The following GPC6 variants were observed in gnomAD, a reference collection of about 807,000 sequenced individuals.
GPC6 encodes glypican 6, also known as glypican-6.
Under a neutral mutation model 55.2 loss-of-function variants are expected in GPC6, and 14 were observed. That is an observed-to-expected ratio of 0.25 (90% confidence interval 0.17 to 0.40). The LOEUF (loss-of-function observed/expected upper bound fraction) is 0.40, where lower values mean the gene tolerates loss of function less well. GPC6 is among the 10% of genes least tolerant of loss of function. The pLI is 1.00. For synonymous variants in GPC6, 278 were observed against 259.6 expected, an observed-to-expected ratio of 1.07 and a Z score of -0.68; for missense variants, 641 against 708.5, an observed-to-expected ratio of 0.90 and a Z score of 1.08.
At chr13:94,152,511 C>A (rs1238574507) in intron 4 of GPC6, among the ~76,000 whole-genome samples, 1 of 152,068 alleles carries the variant, frequency 6.6e-6, no homozygotes, top group Non-Finnish European at 1.5e-5. Context: ...TTAAAAACAT[C>A]ATTTACCCCA....
rs2138943952 is a variant in GPC6, at chr13:93,805,625, T to C, written c.320-24529T>C. ...TTATATGTATAACATAGTTCATACA[T>C]AGTTTTTAGCCACTGCTAATTCTAA... On this transcript the variant is annotated intron_variant, in intron 2 of 8. Transcript: ENST00000377047. 1.3e-5 allele frequency among the ~76,000 whole-genome samples: 2 copies of C among 152,310 alleles called. 1 individual carries two copies. The highest frequency in any genetic ancestry group is 6.8e-3 in the Middle Eastern group (2 of 294).
intron 1 of GPC6, among the ~76,000 whole-genome samples, chr13:93,391,831 A>C (rs1594137754): frequency 6.6e-6 from 1 of 152,068 alleles, no homozygotes; most frequent in South Asian, 2.1e-4. Flanking sequence ...GTTACGGCAG[A>C]TTCTTTAATA....
chr13:94,327,848 T>G (rs1877205612), intron 6 of GPC6, among the ~76,000 whole-genome samples: 1 of 152,218 alleles, frequency 6.6e-6, no homozygotes, highest in Non-Finnish European at 1.5e-5. Flanking sequence ...ACAGCTTCAG[T>G]GCCTCCTTTT....
At chr13:93,269,318 A>G (rs1877430299) in intron 1 of GPC6, among the ~76,000 whole-genome samples, 2 of 152,160 alleles carry the variant, frequency 1.3e-5, no homozygotes, top group Admixed American at 1.3e-4. Flanking sequence ...ATTAAGACAG[A>G]TGTATAAAGC....
chr13:93,918,335 T>C (rs1232777101), intron 3 of GPC6, among the ~76,000 whole-genome samples: 1 of 152,124 alleles, frequency 6.6e-6, no homozygotes, highest in African/African-American at 2.4e-5. Flanking sequence ...TCTATTATTA[T>C]TGGGAATATT....
intron 4 of GPC6, among the ~76,000 whole-genome samples, chr13:94,149,549 G>A (rs551435186): frequency 6.6e-6 from 1 of 152,164 alleles, no homozygotes; most frequent in African/African-American, 2.4e-5. Context: ...AGAAGAAGAG[G>A]GACTTCTGGT....
chr13:93,233,268 C>G (rs1010407590), intron 1 of GPC6, among the ~76,000 whole-genome samples: 1 of 150,652 alleles, frequency 6.6e-6, no homozygotes, highest in Non-Finnish European at 1.5e-5. Context: ...TCTAATAATC[C>G]TGGATGAAAA....
intron 6 of GPC6, among the ~76,000 whole-genome samples, chr13:94,311,982 C>T (rs1044658110): frequency 1.3e-5 from 2 of 152,170 alleles, no homozygotes; most frequent in Non-Finnish European, 2.9e-5. Flanking sequence ...CTCTTGGGAG[C>T]TCCAGGTTTT....
At chr13:93,684,370 T>C (rs1425620154) in intron 2 of GPC6, among the ~76,000 whole-genome samples, 1 of 152,070 alleles carries the variant, frequency 6.6e-6, no homozygotes, top group Non-Finnish European at 1.5e-5. Flanking sequence ...GTATTTTTAG[T>C]AGAGGTGGGA....
intron 1 of GPC6, among the ~76,000 whole-genome samples, chr13:93,434,443 G>A (rs1877488394): frequency 6.6e-6 from 1 of 152,114 alleles, no homozygotes; most frequent in Non-Finnish European, 1.5e-5. Flanking sequence ...ATATTGTGGG[G>A]ACAGTGAGGA....
intron 3 of GPC6, among the ~76,000 whole-genome samples, chr13:93,897,948 AC>A (rs1566592264): frequency 6.6e-6 from 1 of 152,166 alleles, no homozygotes; most frequent in Non-Finnish European, 1.5e-5. Context: ...ATCATCTAAA[AC>A]TTTAGTATAT....
In GPC6 at chr13:94,213,199, G is replaced by A. The variant is rs72645986; in HGVS notation, c.878-73150G>A. On this transcript the variant is annotated intron_variant, in intron 4 of 8. Coordinates refer to ENST00000377047, the MANE Select transcript of GPC6 (RefSeq NM_005708.5). ...CAAACAAAAAATACTAAGTCCTGGA[G>A]TCAGGATTGGAGCTGTGCTCTTCTC... is the stretch of plus-strand genomic sequence containing the variant. 2.9e-3 allele frequency among the ~76,000 whole-genome samples: 445 copies of A among 152,206 alleles called. 1 individual carries two copies. The highest frequency in any genetic ancestry group is 3.3e-3 in the Non-Finnish European group (225 of 67,998).
the GPC6 span, among the ~76,000 whole-genome samples, chr13:93,217,552 T>A: frequency 6.6e-6 from 1 of 152,350 alleles, no homozygotes; most frequent in East Asian, 1.9e-4. Context: ...CCTTAGAGAC[T>A]GTAACATGAT....
intron 1 of GPC6, among the ~76,000 whole-genome samples, chr13:93,323,922 C>T (rs1488212989): frequency 3.3e-5 from 5 of 152,064 alleles, no homozygotes. Context: ...CCATATGCTC[C>T]AGCAGTCCCA....
chr13:93,447,614 A>G lies in GPC6; in HGVS notation c.161-97649A>G, dbSNP rs142968897. ...CATTTCTATTAAATATTCAAAACTC[A>G]AACTTAAAATGATCATGCAAAACTT... On this transcript the variant is annotated intron_variant, in intron 1 of 8. Transcript: ENST00000377047. Among the ~76,000 whole-genome samples, 60 of 152,340 alleles carry G rather than the reference A, an allele frequency of 3.9e-4. 1 individual carries two copies. In the East Asian group the frequency reaches 0.01, roughly 26 times the overall value.
intron 1 of GPC6, among the ~76,000 whole-genome samples, chr13:93,340,050 TTTTG>T (rs1204892976): frequency 3.9e-5 from 5 of 127,222 alleles, no homozygotes; most frequent in South Asian, 2.8e-4. Flanking sequence ...TTTTTTTTTT[TTTTG>T]AGACGGAGTC....
intron 5 of GPC6, among the ~76,000 whole-genome samples, chr13:94,286,809 G>C (rs994256070): frequency 1.3e-5 from 2 of 152,136 alleles, no homozygotes; most frequent in African/African-American, 4.8e-5. Context: ...TGAAATGTCT[G>C]CACACCCTCG....
In GPC6 at chr13:94,283,365, A is replaced by G. The variant is rs147470102; in HGVS notation, c.878-2984A>G. Among the ~76,000 whole-genome samples, 295 of 152,342 alleles carry G rather than the reference A, an allele frequency of 1.9e-3. 1 individual carries two copies. Among genetic ancestry groups the G allele is most frequent in the African/African-American group, 6.6e-3 (276 of 41,574 alleles). ...AAAATAGGACTTTGTGAACTACATG[A>G]CTTATACATTAACTCCCAGCCATTT... is the stretch of plus-strand genomic sequence containing the variant. On this transcript the variant is annotated intron_variant, in intron 4 of 8. Coordinates refer to ENST00000377047, the MANE Select transcript of GPC6 (RefSeq NM_005708.5).
At chr13:94,273,696 C>T (rs1178430713) in intron 4 of GPC6, among the ~76,000 whole-genome samples, 1 of 152,190 alleles carries the variant, frequency 6.6e-6, no homozygotes, top group Non-Finnish European at 1.5e-5. Context: ...GCTCCAGGAG[C>T]TGCTGTTTAC....
Sources: gnomAD v4.1 joint callset for allele counts (sites outside exome capture counted in the v4.1 genomes callset) on GRCh38, gnomAD v4.1.1 for gene constraint, MANE v1.5 for transcripts, NCBI Gene and HGNC (gene_info 2026-07-23, HGNC 2026-07-21) for gene names.